The following GABPB1 variants were observed in gnomAD, a reference collection of about 807,000 sequenced individuals.
GABPB1 encodes the protein GA-binding protein subunit beta-1.
A neutral mutation model predicts 45.9 loss-of-function variants in GABPB1; 15 were observed. The observed-to-expected ratio is 0.33, with a 90% CI of 0.22 to 0.50. GABPB1 has a LOEUF of 0.50. GABPB1 is among the 20% of genes least tolerant of loss of function. The pLI, the probability that GABPB1 is intolerant of heterozygous loss-of-function variation, is 0.98. For missense variants in GABPB1, 252 were observed against 457.5 expected, an observed-to-expected ratio of 0.55 and a Z score of 4.10; for synonymous variants, 143 against 154.4, an observed-to-expected ratio of 0.93 and a Z score of 0.55.
intron 1 of GABPB1, among the ~76,000 whole-genome samples, chr15:50,343,004 A>G (rs2048433416): frequency 6.6e-6 from 1 of 152,034 alleles, no homozygotes; most frequent in South Asian, 2.1e-4. Flanking sequence ...GGTTCACGCC[A>G]TTCTCCTGCC....
intron 3 of GABPB1, among the ~76,000 whole-genome samples, chr15:50,303,677 CAAA>C (rs371842725): frequency 2.1e-5 from 2 of 97,000 alleles, no homozygotes; most frequent in Non-Finnish European, 3.9e-5. Flanking sequence ...GATTCTGTCT[CAAA>C]AAAAAAAAAA....
intron 1 of GABPB1, among the ~76,000 whole-genome samples, chr15:50,339,124 G>C (rs2048250295): frequency 6.6e-6 from 1 of 152,172 alleles, no homozygotes; most frequent in Admixed American, 6.5e-5. Context: ...TTCGAAACCA[G>C]TCTGGTCAAC....
chr15:50,349,203 C>A (rs2048725927), intron 1 of GABPB1: 2 of 146,816 alleles, frequency 1.4e-5, no homozygotes. Context: ...GAAACAGTAA[C>A]ACTTTTGAAG....
intron 1 of GABPB1, chr15:50,354,754 C>T (rs923679344): frequency 1.8e-5 from 5 of 283,900 alleles, no homozygotes. Flanking sequence ...CTCCCAGAAG[C>T]AGTGTGCCCA....
chr15:50,350,352 C>T (rs2048773493), intron 1 of GABPB1: 1 of 146,818 alleles, frequency 6.8e-6, no homozygotes, highest in South Asian at 2.2e-4. Flanking sequence ...TTATAATCAA[C>T]AATACTGCAT....
chr15:50,332,827 C>T (rs1343923905), intron 1 of GABPB1, among the ~76,000 whole-genome samples: 1 of 151,910 alleles, frequency 6.6e-6, no homozygotes, highest in Non-Finnish European at 1.5e-5. Context: ...ACTTGTTATA[C>T]CCTTGTTTTT....
chr15:50,331,162 G>A lies in GABPB1; in HGVS notation c.1-21364C>T, dbSNP rs144601842. Among the ~76,000 whole-genome samples the A allele has an allele frequency of 3.8e-3, 586 of 152,300 alleles. 3 individuals carry two copies. The highest frequency in any genetic ancestry group is 0.014 in the African/African-American group (563 of 41,574). On this transcript the variant is annotated intron_variant, in intron 1 of 8. Coordinates refer to ENST00000380877, the MANE Select transcript of GABPB1 (RefSeq NM_016654.5). ...TCCATATGCATCTTGAAAGAAGGCA[G>A]AAACCTCTGCCTACTACTGAATATT...
chr15:50,284,970 T>C (rs1392323632), intron 8 of GABPB1, among the ~76,000 whole-genome samples: 1 of 152,150 alleles, frequency 6.6e-6, no homozygotes, highest in African/African-American at 2.4e-5. Flanking sequence ...GTTTAACCAA[T>C]AACCAGATTT....
intron 6 of GABPB1, among the ~76,000 whole-genome samples, chr15:50,293,658 G>A (rs1300511381): frequency 6.6e-6 from 1 of 152,156 alleles, no homozygotes; most frequent in East Asian, 1.9e-4. Context: ...ACTACAGATA[G>A]TAAATATTTT....
intron 6 of GABPB1, among the ~76,000 whole-genome samples, chr15:50,299,774 T>C (rs910654921): frequency 9.2e-5 from 14 of 152,210 alleles, no homozygotes; most frequent in African/African-American, 3.1e-4. Flanking sequence ...AACACTCTAG[T>C]AGAGCTGCTA....
intron 1 of GABPB1, among the ~76,000 whole-genome samples, chr15:50,342,352 AAAGGCT>A (rs2141162516): frequency 6.6e-6 from 1 of 152,190 alleles, no homozygotes; most frequent in Admixed American, 6.5e-5. Flanking sequence ...TTATAGGAGT[AAAGGCT>A]AATGGTTTAT....
chr15:50,323,681 G>A (rs1000743044), intron 1 of GABPB1, among the ~76,000 whole-genome samples: 3 of 152,004 alleles, frequency 2.0e-5, no homozygotes, highest in Admixed American at 1.3e-4. Flanking sequence ...GCAACACACA[G>A]AGAGATAGCA....
At chr15:50,317,421 GA>G (rs71424053) in intron 1 of GABPB1, among the ~76,000 whole-genome samples, 17 of 136,234 alleles carry the variant, frequency 1.2e-4, no homozygotes, top group South Asian at 7.0e-4. Context: ...AAAAAAGAAA[GA>G]AAAAAAAAAA....
At chr15:50,293,475 A>C (rs976538813) in intron 6 of GABPB1, among the ~76,000 whole-genome samples, 1 of 152,200 alleles carries the variant, frequency 6.6e-6, no homozygotes, top group Non-Finnish European at 1.5e-5. Flanking sequence ...AGGTTTTATC[A>C]CCAAGCACTT....
At chr15:50,308,491 C>T (rs933676578) in intron 2 of GABPB1, among the ~76,000 whole-genome samples, 1 of 152,100 alleles carries the variant, frequency 6.6e-6, no homozygotes. Context: ...CAGGAGCAGA[C>T]AGGAGGAGGG....
intron 2 of GABPB1, among the ~76,000 whole-genome samples, chr15:50,305,266 CCTTAGTCCTATCTCTCTATCTA>C (rs2046902260): frequency 1.3e-5 from 2 of 150,764 alleles, no homozygotes; most frequent in Admixed American, 6.7e-5. Context: ...GTATAAAGGT[CCTTAGTCCTATCTCTCTATCTA>C]TCTATCTATA....
At chr15:50,350,517 T>C (rs1241633896) in intron 1 of GABPB1, 1 of 151,624 alleles carries the variant, frequency 6.6e-6, no homozygotes, top group African/African-American at 2.4e-5. Context: ...TTAAATAGCC[T>C]TCTCACTTAA....
intron 1 of GABPB1, among the ~76,000 whole-genome samples, chr15:50,343,704 AG>A (rs2048465403): frequency 6.6e-6 from 1 of 151,872 alleles, no homozygotes; most frequent in Non-Finnish European, 1.5e-5. Flanking sequence ...ACGCCTAGCT[AG>A]TTTTTGTATT....
chr15:50,282,926 A>ATGCC, intron 8 of GABPB1, among the ~76,000 whole-genome samples: 1 of 152,278 alleles, frequency 6.6e-6, no homozygotes, highest in East Asian at 1.9e-4. Context: ...ATGGTGATGC[A>ATGCC]TGCCTGTAAT....
Sources: gnomAD v4.1 joint callset for allele counts (sites outside exome capture counted in the v4.1 genomes callset) on GRCh38, gnomAD v4.1.1 for gene constraint, MANE v1.5 for transcripts, NCBI Gene and HGNC (gene_info 2026-07-23, HGNC 2026-07-21) for gene names.